Variants in ROBO1 observed in about 807,000 individuals in gnomAD.
The protein encoded by ROBO1 is roundabout homolog 1.
ROBO1 carries 149 observed loss-of-function variants against 195.9 expected under a neutral mutation model. That is an observed-to-expected ratio of 0.76 (90% CI 0.67 to 0.87). The LOEUF is 0.87. Among genes scored for constraint, ROBO1 ranks in the 40% least tolerant of loss-of-function variants. The pLI is 0.00. For missense variants in ROBO1, 1,933 were observed against 2,068.3 expected, an observed-to-expected ratio of 0.93 and a Z score of 1.27; for synonymous variants, 816 against 733.2, an observed-to-expected ratio of 1.11 and a Z score of -1.82.
chr3:79,448,788 T>C (rs1281048248), intron 2 of ROBO1, among the ~76,000 whole-genome samples: 1 of 152,206 alleles, frequency 6.6e-6, no homozygotes, highest in Non-Finnish European at 1.5e-5. Context: ...TATCAACATG[T>C]TGCAGCCTGA....
At chr3:79,699,384 T>C (rs887653208) in intron 1 of ROBO1, among the ~76,000 whole-genome samples, 2 of 151,574 alleles carry the variant, frequency 1.3e-5, no homozygotes, top group Non-Finnish European at 3.0e-5. Context: ...GTCTGACATC[T>C]GAAAAGCAGA....
chr3:79,601,442 G>A (rs574733529), intron 1 of ROBO1, among the ~76,000 whole-genome samples: 1 of 152,120 alleles, frequency 6.6e-6, no homozygotes, highest in South Asian at 2.1e-4. Flanking sequence ...GCACGGACTT[G>A]AAGTGGAAAA....
chr3:78,864,692 GTA>G (rs931716642), intron 4 of ROBO1, among the ~76,000 whole-genome samples: 5 of 151,338 alleles, frequency 3.3e-5, no homozygotes, highest in African/African-American at 1.2e-4. Context: ...TGTAATGCAT[GTA>G]TGTATATATA....
rs6808987 is a variant in ROBO1 at position 78,822,583 on chromosome 3, T to G, written c.500-75683A>C. 5.9e-5 allele frequency among the ~76,000 whole-genome samples: 9 copies of G among 152,194 alleles called. No homozygotes were observed. In the South Asian group the frequency reaches 1.9e-3, roughly 32 times the overall value. ...TGAAAAAAGCAGATTATAGATACTT[T>G]GAAAGTACCATAGGTATACCACATA... On this transcript the variant is annotated intron_variant, in intron 4 of 30. Coordinates refer to ENST00000464233, the MANE Select transcript of ROBO1 (RefSeq NM_002941.4).
intron 1 of ROBO1, among the ~76,000 whole-genome samples, chr3:79,623,174 C>T (rs1177972136): frequency 6.6e-6 from 1 of 152,028 alleles, no homozygotes; most frequent in Admixed American, 6.5e-5. Context: ...AAAACCTTCA[C>T]AATAACTCCA....
chr3:79,028,783 A>G (rs888795476), intron 3 of ROBO1, among the ~76,000 whole-genome samples: 4 of 151,998 alleles, frequency 2.6e-5, no homozygotes, highest in African/African-American at 9.7e-5. Context: ...ATTTAATTGA[A>G]TTATTATATT....
At chr3:79,591,198 C>T (rs988071548) in intron 1 of ROBO1, among the ~76,000 whole-genome samples, 1 of 151,682 alleles carries the variant, frequency 6.6e-6, no homozygotes, top group African/African-American at 2.4e-5. Context: ...AATTTGTCCA[C>T]CTCAATGAAG....
intron 2 of ROBO1, among the ~76,000 whole-genome samples, chr3:79,554,246 A>G (rs1942622487): frequency 6.6e-6 from 1 of 151,988 alleles, no homozygotes; most frequent in Non-Finnish European, 1.5e-5. Context: ...AGACCATGGG[A>G]CCCAGAAAAG....
rs1247345957 is a variant in ROBO1 at position 78,963,092 on chromosome 3, T to G, written c.173-24165A>C. Among the ~76,000 whole-genome samples, 14 of 146,682 alleles carry G rather than the reference T, an allele frequency of 9.5e-5. No homozygotes were observed. In the East Asian group the frequency reaches 2.4e-3, roughly 25 times the overall value. The stretch of plus-strand genomic sequence containing the variant: ...TGGATACATGTGATCTCATACTTGA[T>G]ATATATATATATATATATTACCTTG... On this transcript the variant is annotated intron_variant, in intron 3 of 30. Transcript: ENST00000464233.
intron 2 of ROBO1, among the ~76,000 whole-genome samples, chr3:79,184,859 CTGATTA>C (rs1397375850): frequency 6.6e-6 from 1 of 152,132 alleles, no homozygotes; most frequent in East Asian, 1.9e-4. Flanking sequence ...ATGAGCCAGA[CTGATTA>C]TCAACACAAC....
At chr3:79,000,313 GGTA>G (rs2077470664) in intron 3 of ROBO1, among the ~76,000 whole-genome samples, 1 of 152,062 alleles carries the variant, frequency 6.6e-6, no homozygotes, top group Non-Finnish European at 1.5e-5. Context: ...GTAGATTCTG[GGTA>G]GTAGACCTTT....
At chr3:79,558,040 G>T (rs1942775788) in intron 2 of ROBO1, among the ~76,000 whole-genome samples, 1 of 152,006 alleles carries the variant, frequency 6.6e-6, no homozygotes, top group Non-Finnish European at 1.5e-5. Context: ...GAATAGAAAA[G>T]CCTGTCAAAT....
At chr3:78,906,168 G>A (rs1210468597) in intron 4 of ROBO1, among the ~76,000 whole-genome samples, 1 of 151,948 alleles carries the variant, frequency 6.6e-6, no homozygotes, top group African/African-American at 2.4e-5. Context: ...ATTATGAACA[G>A]ACCAGCTGTC....
chr3:79,349,646 C>G (rs1253327795), intron 2 of ROBO1, among the ~76,000 whole-genome samples: 6 of 152,022 alleles, frequency 3.9e-5, no homozygotes, highest in Admixed American at 2.6e-4. Flanking sequence ...AATTGAGAGC[C>G]CAGAAACAAA....
chr3:78,798,621 C>T (rs964977950), intron 4 of ROBO1, among the ~76,000 whole-genome samples: 20 of 152,110 alleles, frequency 1.3e-4, no homozygotes. Flanking sequence ...GCTAAGTAAA[C>T]TTTTTCAGAT....
At chr3:79,717,213 G>T (rs61190276) in intron 1 of ROBO1, among the ~76,000 whole-genome samples, 43,800 of 145,802 alleles carry the variant, frequency 0.3, 7,320 homozygotes, top group African/African-American at 0.52. Context: ...TAAAGCTTTT[G>T]TTTTTCTGAA....
intron 3 of ROBO1, among the ~76,000 whole-genome samples, chr3:78,965,815 T>C (rs1414955854): frequency 2.0e-5 from 3 of 152,206 alleles, no homozygotes; most frequent in Admixed American, 6.5e-5. Flanking sequence ...TAATCCAGCA[T>C]TGTCAAATAT....
intron 3 of ROBO1, among the ~76,000 whole-genome samples, chr3:79,073,078 C>T (rs1436551991): frequency 1.3e-5 from 2 of 151,850 alleles, no homozygotes; most frequent in African/African-American, 2.4e-5. Flanking sequence ...TTAGAGTTGT[C>T]GCCTAAATAA....
At chr3:78,891,946 G>A (rs1040645607) in intron 4 of ROBO1, among the ~76,000 whole-genome samples, 2 of 152,186 alleles carry the variant, frequency 1.3e-5, no homozygotes, top group Non-Finnish European at 2.9e-5. Flanking sequence ...GGATTGACTG[G>A]AAAAACTAAT....
Sources: gnomAD v4.1 joint callset for allele counts (sites outside exome capture counted in the v4.1 genomes callset) on GRCh38, gnomAD v4.1.1 for gene constraint, MANE v1.5 for transcripts, NCBI Gene and HGNC (gene_info 2026-07-23, HGNC 2026-07-21) for gene names.